The following PTCD3 variants were observed in gnomAD, a reference collection of about 807,000 sequenced individuals.
PTCD3 encodes the protein small ribosomal subunit protein mS39.
A neutral mutation model predicts 101.9 loss-of-function variants in PTCD3; 89 were observed. The ratio of observed to expected loss-of-function variants is 0.87; its 90% CI spans 0.74 to 1.04. The LOEUF is 1.04. Among genes scored for constraint, PTCD3 ranks in the 50% least tolerant of loss-of-function variants. PTCD3 has a pLI of 0.00. For missense variants in PTCD3, 870 were observed against 828.2 expected, an observed-to-expected ratio of 1.05 and a Z score of -0.62; for synonymous variants, 296 against 278.5, an observed-to-expected ratio of 1.06 and a Z score of -0.63.
chr2:86,137,345 T>C, intron 23 of PTCD3, 124 bp from the exon 24 acceptor site: 1 of 1,408,192 alleles, frequency 7.1e-7, no homozygotes, highest in Non-Finnish European at 9.5e-7. Context: ...TATAGTTTAA[T>C]GCAACTGCAG....
Position 86,137,167 on chromosome 2 carries a change from T to A in PTCD3, c.1979+27T>A, listed in dbSNP as rs146619705. ...TAAGTGGTCACCATGAAGCATAGTT[T>A]GTAAAATGGAGACCTTTCATCCATC... On this transcript the variant is annotated intron_variant, in intron 23 of 23. Transcript: ENST00000254630. 4,502 of 1,543,314 alleles carry A rather than the reference T, an allele frequency of 2.9e-3. 12 individuals carry two copies. Among genetic ancestry groups the A allele is most frequent in the Non-Finnish European group, 3.6e-3 (4,097 of 1,146,002 alleles).
In PTCD3 at chr2:86,127,411, T is replaced by C. The variant is rs1674416063; in HGVS notation, c.1096+106T>C. ...AAATTATTCTTGTGCTTACATAATA[T>C]GTTGGAAATTTTCTTTCCATGTTTG... On this transcript the variant is annotated intron_variant, in intron 13 of 23. Coordinates refer to ENST00000254630, the MANE Select transcript of PTCD3 (RefSeq NM_017952.6). 2.8e-5 allele frequency: 38 copies of C among 1,335,840 alleles called. 1 individual carries two copies. In the South Asian group the frequency reaches 5.3e-4, roughly 19 times the overall value. The allele number at this position is 1,335,840 out of a possible 1,614,324, so 82.7% of individuals were successfully genotyped here. A position where few individuals can be genotyped will look rare whatever the true frequency, so the allele number is the denominator to read the frequency against.
intron 8 of PTCD3, among the ~76,000 whole-genome samples, chr2:86,123,208 G>A (rs1558797079): frequency 6.6e-6 from 1 of 150,890 alleles, no homozygotes; most frequent in East Asian, 1.9e-4. Context: ...GTTGCAGTGA[G>A]CCAAGACCAC....
chr2:86,118,863 G>A (rs1404268000), intron 6 of PTCD3, 58 bp from the exon 7 acceptor site: 2 of 1,564,024 alleles, frequency 1.3e-6, no homozygotes, highest in African/African-American at 1.4e-5. Context: ...GTCCTACTCA[G>A]TTATCCTTCC....
intron 1 of PTCD3, among the ~76,000 whole-genome samples, chr2:86,107,981 C>G (rs551874038): frequency 6.6e-6 from 1 of 152,280 alleles, no homozygotes. Flanking sequence ...TTTTGTCTAG[C>G]CGGGCATGGT....
At position 86,133,334 on chromosome 2, in the gene PTCD3, T is replaced by G; in HGVS notation, c.1453-12T>G. 1 of 1,614,038 alleles carries G rather than the reference T, an allele frequency of 6.2e-7. No individual in the cohort carries two copies. Among genetic ancestry groups the G allele is most frequent in the Non-Finnish European group, 8.5e-7 (1 of 1,179,970 alleles). ...CAGATTAATGCTTTAAAAATGTGTTTCTCTTAATCAGGCCTACTTTCCCCA... is the reference window on the plus strand; with the variant it reads ...CAGATTAATGCTTTAAAAATGTGTTGCTCTTAATCAGGCCTACTTTCCCCA... On this transcript the variant is annotated splice_polypyrimidine_tract_variant and intron_variant, in intron 18 of 23. Coordinates refer to ENST00000254630, the MANE Select transcript of PTCD3 (RefSeq NM_017952.6).
intron 3 of PTCD3, among the ~76,000 whole-genome samples, chr2:86,109,125 G>A (rs1251496137): frequency 2.0e-5 from 3 of 152,204 alleles, no homozygotes; most frequent in Admixed American, 6.5e-5. Context: ...ACTCGGGTTC[G>A]CCAGGCGCGG....
rs775614304 is a variant in PTCD3, at chr2:86,108,577, G to A, written c.194+41G>A. 22 of 1,547,418 alleles carry A rather than the reference G, an allele frequency of 1.4e-5. No homozygotes were observed. The East Asian group carries it at 5.0e-4, about 35-fold the overall frequency. On this transcript the variant is annotated intron_variant, in intron 3 of 23. Transcript: ENST00000254630. ...GTGTTCATTCAGCAAATGGTTGAGT[G>A]CTTACTATGAGAGAAGTGTAAGGGT...
At position 86,117,152 on chromosome 2, in the gene PTCD3, A is replaced by G. The variant is rs1674191065; in HGVS notation, c.407A>G (p.His136Arg). Residue 136 changes from histidine (H) to arginine (R), a missense_variant, in exon 6 of 24, where the codon CAT becomes CGT. His to Arg is a conservative substitution (Grantham distance 29). Transcript: ENST00000254630. The part of the protein sequence containing the change: ...KYFQKDIAEP[H>R]IPCLMPEYFE... Reference sequence around the variant, plus strand: ...TTTCAGAAGGACATAGCTGAACCTCATATACCGGTAAGGAGAGGTAGTTAC... The same window carrying G: ...TTTCAGAAGGACATAGCTGAACCTCGTATACCGGTAAGGAGAGGTAGTTAC... 8.6e-7 allele frequency: 1 copy of G among 1,157,260 alleles called. No homozygotes were observed. The highest frequency in any genetic ancestry group is 1.3e-6 in the Non-Finnish European group (1 of 764,904). The allele number at this position is 1,157,260 out of a possible 1,614,324, so 71.7% of individuals were successfully genotyped here.
chr2:86,111,236 T>A, intron 4 of PTCD3, 78 bp downstream of exon 4: 1 of 1,189,712 alleles, frequency 8.4e-7, no homozygotes, highest in Non-Finnish European at 1.2e-6. Flanking sequence ...ATAACACATT[T>A]AATACTCATA....
Position 86,117,099 on chromosome 2 carries a change from G to C in PTCD3, c.354G>C (p.Lys118Asn), listed in dbSNP as rs760483402. 3 of 1,497,964 alleles carry C rather than the reference G, an allele frequency of 2.0e-6. No homozygotes were observed. In the Admixed American group the frequency reaches 5.0e-5, roughly 25 times the overall value. 92.8% of individuals were successfully genotyped at this position (1,497,964 alleles called of 1,614,324 possible). A position where few individuals can be genotyped will look rare whatever the true frequency, so the allele number is the denominator to read the frequency against. ...AGAAATCCGGGGAGAATGTGGCCAA[G>C]TTTATTATTAATTCATACCCCAAAT... ...LAKKSGENVA[K>N]FIINSYPKYF... Residue 118 changes from lysine (K) to asparagine (N), a missense_variant, in exon 6 of 24, where the codon AAG becomes AAC. By Grantham distance (94) the Lys-to-Asn change is moderately conservative. Coordinates refer to ENST00000254630, the MANE Select transcript of PTCD3 (RefSeq NM_017952.6).
At position 86,139,316 on chromosome 2, in the gene PTCD3, C is replaced by G. The variant is rs1244927004; in HGVS notation, c.*1757C>G. The G allele has an allele frequency of 6.6e-6, 1 of 151,826 alleles. No individual in the cohort carries two copies. Among genetic ancestry groups the G allele is most frequent in the Non-Finnish European group, 1.5e-5 (1 of 68,004 alleles). The allele number at this position is 151,826 out of a possible 1,614,324, so 9.4% of individuals were successfully genotyped here. A position where few individuals can be genotyped will look rare whatever the true frequency, so the allele number is the denominator to read the frequency against. Reference sequence around the variant, plus strand: ...AGGAGTTCGAGACTAGCCTGGGCAACATAGTGAGACACCGGATCTACAAAA... The same window carrying G: ...AGGAGTTCGAGACTAGCCTGGGCAAGATAGTGAGACACCGGATCTACAAAA... On this transcript the variant is annotated 3_prime_UTR_variant, in exon 24 of 24. Transcript: ENST00000254630.
chr2:86,136,766 GATC>G (rs1674591593), intron 22 of PTCD3: 1 of 803,604 alleles, frequency 1.2e-6, no homozygotes, highest in African/African-American at 1.7e-5. Flanking sequence ...ACATTGAATA[GATC>G]ATCATGAAGT....
At chr2:86,132,581 A>G (rs1441653836) in intron 17 of PTCD3, 157 bp downstream of exon 17, 1 of 503,246 alleles carries the variant, frequency 2.0e-6, no homozygotes, top group African/African-American at 2.0e-5. Context: ...AAGCAGTGGT[A>G]AAACTGCCAG....
chr2:86,122,563 C>T (rs1474742710), intron 8 of PTCD3, among the ~76,000 whole-genome samples: 1 of 129,180 alleles, frequency 7.7e-6, no homozygotes, highest in Non-Finnish European at 1.8e-5. Flanking sequence ...AAGTGTGGGC[C>T]ACCATGTCTG....
intron 15 of PTCD3, 50 bp downstream of exon 15, chr2:86,130,787 G>T (rs1396540814): frequency 6.2e-7 from 1 of 1,601,494 alleles, no homozygotes; most frequent in African/African-American, 1.3e-5. Flanking sequence ...CAGAGGGCCG[G>T]TTTACCTGAG....
chr2:86,118,894 G>A (rs779386145), intron 6 of PTCD3, 27 bp from the exon 7 acceptor site: 20 of 1,603,616 alleles, frequency 1.2e-5, no homozygotes, highest in Non-Finnish European at 1.7e-5. Context: ...CCTGTTTGTA[G>A]TAACTTTAGT....
chr2:86,120,906 C>G (rs916542492), intron 7 of PTCD3, among the ~76,000 whole-genome samples: 2 of 152,144 alleles, frequency 1.3e-5, no homozygotes, highest in East Asian at 3.8e-4. Context: ...CAAAAAGATA[C>G]ATTTACTTTT....
At chr2:86,111,222 G>T (rs1300101638) in intron 4 of PTCD3, 64 bp downstream of exon 4, 6 of 1,326,448 alleles carry the variant, frequency 4.5e-6, no homozygotes, top group Non-Finnish European at 5.4e-6. Flanking sequence ...TTTTAACTCG[G>T]CTAATAACAC....
Sources: allele counts gnomAD v4.1 joint callset (sites outside exome capture counted in the v4.1 genomes callset), GRCh38; gene constraint gnomAD v4.1.1; transcripts MANE v1.5; gene names NCBI Gene and HGNC (gene_info 2026-07-23, HGNC 2026-07-21).